The following SSU72 variants were observed in gnomAD, a reference collection of about 807,000 sequenced individuals.
SSU72 encodes the protein RNA polymerase II subunit A C-terminal domain phosphatase SSU72.
SSU72 carries 12 observed loss-of-function variants against 22.7 expected under a neutral mutation model. The observed-to-expected ratio is 0.53, with a 90% CI of 0.34 to 0.86. The LOEUF (loss-of-function observed/expected upper bound fraction) is 0.86. SSU72 is among the 40% of genes least tolerant of loss of function. SSU72 has a pLI of 0.02. For synonymous variants in SSU72, 116 were observed against 98.3 expected (o/e 1.18, Z -1.06); for missense variants, 151 against 249.8 (o/e 0.60, Z 2.67).
chr1:1,558,948 TC>T (rs1196905778), intron 2 of SSU72, among the ~76,000 whole-genome samples: 1 of 152,006 alleles, frequency 6.6e-6, no homozygotes. Flanking sequence ...TTAACCAGAC[TC>T]CTTTCAATCA....
At chr1:1,564,534 G>A (rs747252622) in intron 2 of SSU72, 39 of 1,548,002 alleles carry the variant, frequency 2.5e-5, no homozygotes, top group African/African-American at 5.5e-5. Context: ...GCTGAACCAC[G>A]TCAGGGTGAA....
In SSU72 at chr1:1,564,932, A is replaced by G. The variant is rs755938671; in HGVS notation, c.81-16T>C. On this transcript the variant is annotated splice_polypyrimidine_tract_variant and intron_variant, in intron 1 of 4. Transcript: ENST00000291386. ...TCCCCGTTTGCTGAAAGACAAAAGGAGAGAAAGAATCACAGTCACACTAAG... is the reference window on the plus strand; with the variant it reads ...TCCCCGTTTGCTGAAAGACAAAAGGGGAGAAAGAATCACAGTCACACTAAG... 5.7e-6 allele frequency: 9 copies of G among 1,579,634 alleles called. No homozygotes were observed. In the African/African-American group the frequency reaches 1.2e-4, roughly 21 times the overall value.
chr1:1,544,575 A>ACG (rs1642368748), intron 3 of SSU72: 2 of 450,902 alleles, frequency 4.4e-6, no homozygotes, highest in Admixed American at 3.4e-5. Context: ...CCTAGATTGT[A>ACG]CCACTGCACT....
At chr1:1,571,713 G>A (rs913566103) in intron 1 of SSU72, among the ~76,000 whole-genome samples, 2 of 152,132 alleles carry the variant, frequency 1.3e-5, no homozygotes, top group African/African-American at 2.4e-5. Flanking sequence ...GTCATCTTCA[G>A]TCATCGTCTC....
chr1:1,557,102 C>T (rs1449565842), intron 2 of SSU72, among the ~76,000 whole-genome samples: 15 of 152,324 alleles, frequency 9.8e-5, no homozygotes, highest in Non-Finnish European at 1.5e-5. Flanking sequence ...CAAATACCTT[C>T]CCAAAACTAT....
At chr1:1,565,006 G>A in intron 1 of SSU72, 90 bp from the exon 2 acceptor site, 1 of 1,476,000 alleles carries the variant, frequency 6.8e-7, no homozygotes, top group South Asian at 1.4e-5. Context: ...GAAACAAAAT[G>A]AGTAATTTCA....
At chr1:1,547,711 A>G (rs1450972724) in intron 2 of SSU72, among the ~76,000 whole-genome samples, 11 of 152,244 alleles carry the variant, frequency 7.2e-5, no homozygotes, top group Non-Finnish European at 1.6e-4. Context: ...GGGGCCTTCA[A>G]TAGACAGGCT....
intron 2 of SSU72, among the ~76,000 whole-genome samples, chr1:1,553,748 G>A (rs929712176): frequency 2.7e-5 from 4 of 148,344 alleles, no homozygotes; most frequent in Non-Finnish European, 4.4e-5. Context: ...CCGAGACCAC[G>A]CCACTGCACC....
At chr1:1,571,939 C>A (rs138919400) in intron 1 of SSU72, among the ~76,000 whole-genome samples, 1 of 151,434 alleles carries the variant, frequency 6.6e-6, no homozygotes, top group Admixed American at 6.6e-5. Flanking sequence ...GGACTACAGG[C>A]GCCCGTCACT....
At chr1:1,543,787 C>T (rs769532782) in intron 4 of SSU72, 82 bp downstream of exon 4, 10 of 1,181,020 alleles carry the variant, frequency 8.5e-6, no homozygotes, top group South Asian at 3.8e-5. Flanking sequence ...GTCACGGCCT[C>T]GGCCACTCCC....
At chr1:1,550,581 C>A (rs3753337) in intron 2 of SSU72, among the ~76,000 whole-genome samples, 9 of 152,352 alleles carry the variant, frequency 5.9e-5, no homozygotes, top group East Asian at 1.9e-4. Flanking sequence ...CCTTGAGCCC[C>A]GGGCCCCAGG....
chr1:1,552,717 C>T (rs1444253754), intron 2 of SSU72, among the ~76,000 whole-genome samples: 1 of 152,162 alleles, frequency 6.6e-6, no homozygotes, highest in South Asian at 2.1e-4. Flanking sequence ...AGTAGACTCT[C>T]AGATAACAAA....
chr1:1,572,730 T>G (rs1642746531), intron 1 of SSU72, among the ~76,000 whole-genome samples: 1 of 151,478 alleles, frequency 6.6e-6, no homozygotes, highest in Non-Finnish European at 1.5e-5. Context: ...GTGCTAGGAT[T>G]ACAGGTGTGA....
At chr1:1,551,635 C>T (rs1008801604) in intron 2 of SSU72, among the ~76,000 whole-genome samples, 5 of 152,242 alleles carry the variant, frequency 3.3e-5, no homozygotes, top group African/African-American at 1.2e-4. Context: ...TTCCCGAGCT[C>T]CCATCCTGCC....
At chr1:1,569,254 C>T (rs1465890042) in intron 1 of SSU72, among the ~76,000 whole-genome samples, 1 of 152,048 alleles carries the variant, frequency 6.6e-6, no homozygotes, top group Non-Finnish European at 1.5e-5. Flanking sequence ...TAACTGGTTC[C>T]AAGGGGACAC....
chr1:1,574,414 C>T, intron 1 of SSU72, 64 bp downstream of exon 1: 1 of 1,517,518 alleles, frequency 6.6e-7, no homozygotes, highest in Non-Finnish European at 8.9e-7. Context: ...CCAGGGGGAA[C>T]CGGGGAGGAG....
In SSU72 at chr1:1,542,323, G is replaced by A. The variant is rs1421023828; in HGVS notation, c.484-156C>T. Among the ~76,000 whole-genome samples the A allele has an allele frequency of 2.0e-5, 3 of 152,258 alleles. No individual in the cohort carries two copies. Among genetic ancestry groups the A allele is most frequent in the South Asian group, 2.1e-4 (1 of 4,826 alleles). On this transcript the variant is annotated intron_variant, in intron 4 of 4. Coordinates refer to ENST00000291386, the MANE Select transcript of SSU72 (RefSeq NM_014188.3). This position sits in a 1 kb window ranked among gnomAD's most constrained non-coding sequence, Gnocchi z 4.4. ...CCGCTGCTGCCTCACAAGGACGGCCGGAGGCTGCAGGGGGAGAGCGTCCCG... is the reference window on the plus strand; with the variant it reads ...CCGCTGCTGCCTCACAAGGACGGCCAGAGGCTGCAGGGGGAGAGCGTCCCG...
intron 2 of SSU72, chr1:1,563,102 G>A (rs1642614699): frequency 6.6e-6 from 1 of 152,338 alleles, no homozygotes; most frequent in African/African-American, 2.4e-5. Context: ...AACTGTAACT[G>A]GCAGAGGAGA....
chr1:1,569,412 G>C (rs955239987), intron 1 of SSU72, among the ~76,000 whole-genome samples: 1 of 152,144 alleles, frequency 6.6e-6, no homozygotes, highest in Non-Finnish European at 1.5e-5. Context: ...CCCAGAGAAC[G>C]CTAACATGTC....
Sources: gnomAD v4.1 joint callset for allele counts (sites outside exome capture counted in the v4.1 genomes callset) on GRCh38, gnomAD v4.1.1 for gene constraint, Gnocchi (gnomAD v3.1) non-coding constraint, MANE v1.5 for transcripts, NCBI Gene and HGNC (gene_info 2026-07-23, HGNC 2026-07-21) for gene names.